TGFA: variants seen among roughly 807,000 people sequenced by gnomAD.
TGFA encodes protransforming growth factor alpha.
In TGFA, 12 loss-of-function variants were observed where a neutral mutation model predicts 21.7. That is an observed-to-expected ratio of 0.55 (90% CI 0.35 to 0.90). TGFA has a LOEUF of 0.90. Ranked by LOEUF, TGFA falls within the 40% of genes least tolerant of loss-of-function variation. TGFA has a pLI of 0.01. For synonymous variants in TGFA, 79 were observed against 88.1 expected (o/e 0.90, Z 0.58); for missense variants, 178 against 210.8 (o/e 0.84, Z 0.96).
intron 1 of TGFA, among the ~76,000 whole-genome samples, chr2:70,534,562 C>G (rs1672916890): frequency 6.6e-6 from 1 of 152,132 alleles, no homozygotes; most frequent in African/African-American, 2.4e-5. Context: ...GAAAAGCAAA[C>G]AAGCCCCCAC....
intron 1 of TGFA, among the ~76,000 whole-genome samples, chr2:70,541,058 A>T (rs374021123): frequency 6.6e-6 from 1 of 152,328 alleles, no homozygotes; most frequent in South Asian, 2.1e-4. Flanking sequence ...AAAATATATT[A>T]AGAGACAAAA....
intron 1 of TGFA, among the ~76,000 whole-genome samples, chr2:70,532,441 C>T (rs376714868): frequency 1.2e-4 from 19 of 152,318 alleles, no homozygotes; most frequent in African/African-American, 4.3e-4. Context: ...AGAGCAGGCA[C>T]GCTTGGCTTT....
At chr2:70,504,475 T>TATATATATATATATATATATAC (rs1559124137) in intron 2 of TGFA, among the ~76,000 whole-genome samples, 5 of 83,856 alleles carry the variant, frequency 6.0e-5, no homozygotes. Context: ...CACACATACA[T>TATATATATATATATATATATAC]ACATACATAC....
intron 1 of TGFA, among the ~76,000 whole-genome samples, chr2:70,522,247 G>A (rs1196398628): frequency 6.6e-6 from 1 of 152,132 alleles, no homozygotes; most frequent in Non-Finnish European, 1.5e-5. Context: ...TCTCATCAAA[G>A]ACTTGGACTA....
At chr2:70,468,937 T>C (rs1365692366) in intron 2 of TGFA, among the ~76,000 whole-genome samples, 2 of 152,324 alleles carry the variant, frequency 1.3e-5, no homozygotes, top group Admixed American at 1.3e-4. Context: ...CCCAAGTCTG[T>C]GGAAAAATTG....
chr2:70,468,076 G>A (rs1553492619), intron 2 of TGFA, among the ~76,000 whole-genome samples: 1 of 152,178 alleles, frequency 6.6e-6, no homozygotes, highest in East Asian at 1.9e-4. Context: ...AGATTGTCTG[G>A]TATGACACTC....
At chr2:70,467,355 CCAT>C (rs782053129) in intron 2 of TGFA, 4 of 152,090 alleles carry the variant, frequency 2.6e-5, no homozygotes, top group Non-Finnish European at 4.4e-5. Flanking sequence ...AGCCCTAGTA[CCAT>C]GACTCTCACG....
At chr2:70,518,240 TTC>T (rs1672347464) in intron 1 of TGFA, among the ~76,000 whole-genome samples, 1 of 152,204 alleles carries the variant, frequency 6.6e-6, no homozygotes, top group East Asian at 1.9e-4. Context: ...GGCATCCTAT[TTC>T]TGTTTAAATA....
Position 70,545,571 on chromosome 2 carries a change from G to T in TGFA, c.40+8157C>A, listed in dbSNP as rs75272978. On this transcript the variant is annotated intron_variant, in intron 1 of 5. Coordinates refer to ENST00000295400, the MANE Select transcript of TGFA (RefSeq NM_003236.4). Reference sequence around the variant, plus strand: ...GTTAACTGTTTCAAAAAATGAAAATGAGTTACATCTCACAACATACCCTAG... The same window carrying T: ...GTTAACTGTTTCAAAAAATGAAAATTAGTTACATCTCACAACATACCCTAG... Among the ~76,000 whole-genome samples, 1,144 of 152,180 alleles carry T rather than the reference G, an allele frequency of 7.5e-3. 16 individuals are homozygous for T. The highest frequency in any genetic ancestry group is 0.026 in the African/African-American group (1,086 of 41,528).
intron 2 of TGFA, among the ~76,000 whole-genome samples, chr2:70,506,735 A>G (rs1303756583): frequency 2.0e-5 from 3 of 152,184 alleles, no homozygotes; most frequent in Non-Finnish European, 2.9e-5. Flanking sequence ...TCCCCATTCT[A>G]CAGGCAAGGA....
chr2:70,546,962 G>A (rs887504398), intron 1 of TGFA, among the ~76,000 whole-genome samples: 22 of 152,180 alleles, frequency 1.4e-4, no homozygotes, highest in African/African-American at 5.1e-4. Flanking sequence ...TTATAGCAGT[G>A]TGGTACTAGC....
chr2:70,547,758 T>C, intron 1 of TGFA, among the ~76,000 whole-genome samples: 1 of 127,362 alleles, frequency 7.9e-6, no homozygotes, highest in East Asian at 3.1e-4. Flanking sequence ...ATAGATAGTA[T>C]ACTATATATG....
At chr2:70,503,579 TAATA>T (rs1559123395) in intron 2 of TGFA, among the ~76,000 whole-genome samples, 1 of 134,462 alleles carries the variant, frequency 7.4e-6, no homozygotes, top group Non-Finnish European at 1.6e-5. Context: ...ATAATAATAA[TAATA>T]AAAAAAAAAA....
rs782500961 is a variant in TGFA at position 70,553,333 on chromosome 2, C to G, written c.40+395G>C. On this transcript the variant is annotated intron_variant, in intron 1 of 5. Transcript: ENST00000295400. ...AGAGGGTTAGACGCCGGCCCCCGTT[C>G]CGAGGCGGCCCAGTCTACACGCCAG... 2.0e-6 allele frequency: 3 copies of G among 1,496,256 alleles called. No individual in the cohort carries two copies. In the Admixed American group the frequency reaches 7.2e-5, roughly 36 times the overall value. 92.7% of individuals were successfully genotyped at this position (1,496,256 alleles called of 1,614,324 possible). A position where few individuals can be genotyped will look rare whatever the true frequency, so the allele number is the denominator to read the frequency against.
At chr2:70,475,257 A>G (rs959636638) in intron 2 of TGFA, among the ~76,000 whole-genome samples, 1 of 152,332 alleles carries the variant, frequency 6.6e-6, no homozygotes, top group Admixed American at 6.5e-5. Flanking sequence ...TATTAGGAGC[A>G]GCTACTATTG....
chr2:70,542,984 T>G (rs1446966298), intron 1 of TGFA, among the ~76,000 whole-genome samples: 1 of 151,478 alleles, frequency 6.6e-6, no homozygotes, highest in African/African-American at 2.4e-5. Flanking sequence ...GCGCCTGTAA[T>G]CCCAGGTACT....
At chr2:70,451,875 C>T (rs1387092935) in intron 5 of TGFA, 5 of 641,252 alleles carry the variant, frequency 7.8e-6, no homozygotes, top group Admixed American at 5.6e-5. Context: ...ACCCACATCG[C>T]TCATGAGCCA....
intron 1 of TGFA, among the ~76,000 whole-genome samples, chr2:70,531,234 T>C (rs1229186157): frequency 2.6e-5 from 4 of 152,204 alleles, no homozygotes; most frequent in Admixed American, 2.0e-4. Context: ...TCCCATTAGC[T>C]GTGTTTTTTT....
At chr2:70,461,342 G>A (rs192824958) in intron 3 of TGFA, among the ~76,000 whole-genome samples, 169 of 152,280 alleles carry the variant, frequency 1.1e-3, no homozygotes, top group Middle Eastern at 6.8e-3. Flanking sequence ...GGGGGCTCGA[G>A]TACCAACAAG....
Sources: allele counts gnomAD v4.1 joint callset (sites outside exome capture counted in the v4.1 genomes callset), GRCh38; gene constraint gnomAD v4.1.1; transcripts MANE v1.5; gene names NCBI Gene and HGNC (gene_info 2026-07-23, HGNC 2026-07-21).